The following ELMO1 variants were observed in gnomAD, a reference collection of about 807,000 sequenced individuals.
The protein encoded by ELMO1 is engulfment and cell motility protein 1.
ELMO1 carries 26 observed loss-of-function variants against 98.9 expected under a neutral mutation model. The observed-to-expected ratio is 0.26, with a 90% CI of 0.19 to 0.36. ELMO1 has a LOEUF of 0.36. Among genes scored for constraint, ELMO1 ranks in the 10% least tolerant of loss-of-function variants. The pLI is 1.00. For synonymous variants in ELMO1, 346 were observed against 346.0 expected (o/e 1.00, Z 0.00); for missense variants, 627 against 935.2 (o/e 0.67, Z 4.30).
intron 4 of ELMO1, among the ~76,000 whole-genome samples, chr7:37,292,744 T>C (rs1250884791): frequency 1.9e-5 from 1 of 51,432 alleles, no homozygotes; most frequent in Non-Finnish European, 4.2e-5. Flanking sequence ...GGTGGGGGGG[T>C]CAGCCCCCCG....
intron 14 of ELMO1, among the ~76,000 whole-genome samples, chr7:37,119,097 T>C (rs930589161): frequency 6.6e-6 from 1 of 151,998 alleles, no homozygotes; most frequent in African/African-American, 2.4e-5. Flanking sequence ...CTCAGAGGGG[T>C]GGTGCAAGAA....
At chr7:37,243,101 G>C (rs1715062151) in intron 7 of ELMO1, among the ~76,000 whole-genome samples, 1 of 152,094 alleles carries the variant, frequency 6.6e-6, no homozygotes, top group Non-Finnish European at 1.5e-5. Flanking sequence ...ACCAGAACCA[G>C]GGCCTTGACT....
intron 14 of ELMO1, 111 bp from the exon 15 acceptor site, chr7:37,096,838 C>A (rs996512493): frequency 3.0e-6 from 3 of 1,002,752 alleles, no homozygotes; most frequent in South Asian, 1.3e-5. Flanking sequence ...GATCCCCAAA[C>A]GAAGACTCTT....
At position 36,855,808 on chromosome 7, in the gene ELMO1, T is replaced by C. The variant is rs938326627; in HGVS notation, c.1984-57A>G. ...CTGGTGGCAATTACAGAAGTATTAA[T>C]AGTAAAAATAGCTAACAGTGAATAC... On this transcript the variant is annotated intron_variant, in intron 21 of 21. Transcript: ENST00000310758. The surrounding 1 kb of genome is among the most constrained non-coding windows in gnomAD (Gnocchi z 4.2). The C allele has an allele frequency of 2.5e-6, 4 of 1,593,158 alleles. No homozygotes were observed. The highest frequency in any genetic ancestry group is 1.3e-5 in the African/African-American group (1 of 74,500).
In ELMO1 at chr7:37,394,591, T is replaced by A. The variant is rs933756978; in HGVS notation, c.-73-51828A>T. On this transcript the variant is annotated intron_variant, in intron 1 of 21. Transcript: ENST00000310758. ...CATAAGCATATACATGAGGAGACAA[T>A]GGAAGTGTCTTCCAGAGCAGAGAGG... 2.0e-5 allele frequency among the ~76,000 whole-genome samples: 3 copies of A among 152,138 alleles called. 1 individual carries two copies. In the South Asian group the frequency reaches 6.2e-4, roughly 32 times the overall value.
chr7:37,270,641 G>A (rs547797186), intron 5 of ELMO1: 4 of 152,262 alleles, frequency 2.6e-5, no homozygotes, highest in African/African-American at 7.2e-5. Context: ...ATATGCTAAT[G>A]TTACTACCTA....
rs1027877076 is a variant in ELMO1, at chr7:36,878,607, G to A, written c.1715-490C>T. On this transcript the variant is annotated intron_variant, in intron 18 of 21. Coordinates refer to ENST00000310758, the MANE Select transcript of ELMO1 (RefSeq NM_014800.11). ...AAACCCCTACCCTAGGCTACCACACGCACATTAATCATGAACGAATTGTTA... is the reference window on the plus strand; with the variant it reads ...AAACCCCTACCCTAGGCTACCACACACACATTAATCATGAACGAATTGTTA... Among the ~76,000 whole-genome samples the A allele has an allele frequency of 6.6e-5, 10 of 152,122 alleles. 1 individual carries two copies. The highest frequency in any genetic ancestry group is 2.2e-4 in the African/African-American group (9 of 41,416).
At chr7:37,339,488 A>G (rs1800601942) in intron 2 of ELMO1, among the ~76,000 whole-genome samples, 1 of 152,212 alleles carries the variant, frequency 6.6e-6, no homozygotes, top group South Asian at 2.1e-4. Context: ...AGAAGCAAAG[A>G]GCTTTCTAAA....
chr7:37,052,841 C>T (rs531222583), intron 15 of ELMO1, among the ~76,000 whole-genome samples: 1 of 152,304 alleles, frequency 6.6e-6, no homozygotes, highest in East Asian at 1.9e-4. Context: ...CCCAAAGGCC[C>T]AGCCTCCGTT....
chr7:37,339,232 C>T (rs1202926215), intron 2 of ELMO1, among the ~76,000 whole-genome samples: 1 of 152,244 alleles, frequency 6.6e-6, no homozygotes, highest in Admixed American at 6.5e-5. Context: ...CCCTGGCCAG[C>T]AGAATCACAA....
chr7:37,142,070 T>C (rs1190841263), intron 13 of ELMO1, among the ~76,000 whole-genome samples: 5 of 152,198 alleles, frequency 3.3e-5, no homozygotes. Context: ...TTTAAAATAC[T>C]AGAGAACTGC....
chr7:37,447,919 T>C (rs1805709917), intron 1 of ELMO1, among the ~76,000 whole-genome samples: 2 of 150,722 alleles, frequency 1.3e-5, no homozygotes, highest in Non-Finnish European at 1.5e-5. Context: ...CGCCGCCCCC[T>C]TCTCTGAAGG....
chr7:37,403,359 C>T (rs1206689572), intron 1 of ELMO1, among the ~76,000 whole-genome samples: 1 of 152,158 alleles, frequency 6.6e-6, no homozygotes, highest in Admixed American at 6.5e-5. Flanking sequence ...AGGTTTGAGA[C>T]CAGCCTGGGC....
At chr7:37,390,122 G>T (rs934588932) in intron 1 of ELMO1, among the ~76,000 whole-genome samples, 3 of 152,122 alleles carry the variant, frequency 2.0e-5, no homozygotes, top group Admixed American at 6.6e-5. Context: ...CTGCACCATG[G>T]ACGTAAAAAT....
chr7:37,175,996 G>T (rs963414429), intron 13 of ELMO1, among the ~76,000 whole-genome samples: 1 of 152,176 alleles, frequency 6.6e-6, no homozygotes, highest in Non-Finnish European at 1.5e-5. Context: ...AGCAGCATAG[G>T]ATTCAGATTA....
chr7:37,372,220 C>T (rs1802145729), intron 1 of ELMO1, among the ~76,000 whole-genome samples: 1 of 151,438 alleles, frequency 6.6e-6, no homozygotes, highest in Admixed American at 6.6e-5. Flanking sequence ...AGGAAACTAC[C>T]CCAAAAAAGT....
intron 16 of ELMO1, among the ~76,000 whole-genome samples, chr7:36,933,559 G>A (rs577128393): frequency 6.6e-6 from 1 of 152,284 alleles, no homozygotes; most frequent in Non-Finnish European, 1.5e-5. Flanking sequence ...TGACAGGTGT[G>A]GGGTGCTGGG....
intron 1 of ELMO1, among the ~76,000 whole-genome samples, chr7:37,369,363 T>C (rs900798240): frequency 6.6e-6 from 1 of 152,176 alleles, no homozygotes; most frequent in Non-Finnish European, 1.5e-5. Context: ...TCTGAAATGC[T>C]TCCATGAGCG....
At chr7:37,434,521 G>A (rs1388648821) in intron 1 of ELMO1, among the ~76,000 whole-genome samples, 1 of 152,222 alleles carries the variant, frequency 6.6e-6, no homozygotes, top group Non-Finnish European at 1.5e-5. Context: ...AGGAGTGATT[G>A]TACAGTCACA....
Sources: allele counts gnomAD v4.1 joint callset (sites outside exome capture counted in the v4.1 genomes callset), GRCh38; gene constraint gnomAD v4.1.1; non-coding constraint Gnocchi (gnomAD v3.1); transcripts MANE v1.5; gene names NCBI Gene and HGNC (gene_info 2026-07-23, HGNC 2026-07-21).